The following RAI1 variants were observed in gnomAD, a reference collection of about 807,000 sequenced individuals.
The protein encoded by RAI1 is retinoic acid induced 1, also known as retinoic acid-induced protein 1.
RAI1 carries 9 observed loss-of-function variants against 123.8 expected under a neutral mutation model. The ratio of observed to expected loss-of-function variants is 0.07; its 90% CI spans 0.04 to 0.13. RAI1 has a LOEUF of 0.13. Ranked by LOEUF, RAI1 falls within the 10% of genes least tolerant of loss-of-function variation. The probability of loss-of-function intolerance (pLI) is 1.00; values close to 1 mark genes in which losing one functional copy is unlikely to be tolerated. For synonymous variants in RAI1, 1,231 were observed against 1,127.3 expected (o/e 1.09, Z -1.84); for missense variants, 2,256 against 2,545.8 (o/e 0.89, Z 2.45).
At chr17:17,759,734 G>A (rs77895445) in intron 2 of RAI1, among the ~76,000 whole-genome samples, 3,882 of 152,290 alleles carry the variant, frequency 0.025, 175 homozygotes, top group African/African-American at 0.087. Flanking sequence ...GGCAGAGGCC[G>A]TGCCTGGCCT....
Position 17,794,784 on chromosome 17 carries a change from G to A in RAI1, c.1836G>A (p.Leu612=). 6.2e-7 allele frequency: 1 copy of A among 1,613,108 alleles called. No individual in the cohort carries two copies. Among genetic ancestry groups the A allele is most frequent in the Non-Finnish European group, 8.5e-7 (1 of 1,180,010 alleles). ...AGGAGGACCTGGCCTCCGAGATCCT[G>A]GGGCTGCAGGAAGCCATCGGTGAGA... ...LAQEDLASEI[L]GLQEAIGEKA... The change falls in exon 3 of 6, where the codon CTG becomes CTA. Residue 612 remains leucine, a synonymous_variant. Coordinates refer to ENST00000353383, the MANE Select transcript of RAI1 (RefSeq NM_030665.4).
In RAI1 at chr17:17,811,237, A is replaced by G. The variant is rs1308607645; in HGVS notation, c.*1256A>G. 2.9e-6 allele frequency: 1 copy of G among 339,910 alleles called. No individual in the cohort carries two copies. The highest frequency in any genetic ancestry group is 5.7e-6 in the Non-Finnish European group (1 of 174,892). The allele number at this position is 339,910 out of a possible 1,614,324, so 21.1% of individuals were successfully genotyped here. ...TATATCTGGCCTCGTTATATAGTGT[A>G]TATATATGTATACATATACATATAT... On this transcript the variant is annotated 3_prime_UTR_variant, in exon 6 of 6. Coordinates refer to ENST00000353383, the MANE Select transcript of RAI1 (RefSeq NM_030665.4).
At chr17:17,731,038 G>A (rs988802764) in intron 2 of RAI1, among the ~76,000 whole-genome samples, 1 of 152,198 alleles carries the variant, frequency 6.6e-6, no homozygotes, top group Non-Finnish European at 1.5e-5. Context: ...GCTGGGAACT[G>A]CCAGAGCATC....
intron 1 of RAI1, among the ~76,000 whole-genome samples, chr17:17,687,936 A>G (rs903948139): frequency 2.6e-5 from 4 of 151,332 alleles, no homozygotes; most frequent in African/African-American, 9.7e-5. Context: ...AGGCTGAGGC[A>G]CGAGAATCAC....
At chr17:17,694,790 T>C (rs925395749) in intron 1 of RAI1, among the ~76,000 whole-genome samples, 4 of 149,876 alleles carry the variant, frequency 2.7e-5, no homozygotes, top group African/African-American at 7.3e-5. Context: ...CGCGTCGCCA[T>C]GGCAGCGCCC....
In RAI1 at chr17:17,796,803, T is replaced by C; in HGVS notation, c.3855T>C (p.Asn1285=). ...AGAAAGCCAAGCCCACCAAGGGCAA[T>C]GGCGAGCCTGCCACAAAGCTCCCAC... ...SPKKAKPTKG[N]GEPATKLPPP... The change falls in exon 3 of 6, where the codon AAT becomes AAC. Residue 1285 remains asparagine (N), a synonymous_variant. Coordinates refer to ENST00000353383, the MANE Select transcript of RAI1 (RefSeq NM_030665.4). This position sits in a 1 kb window ranked among gnomAD's most constrained non-coding sequence, Gnocchi z 5.8. 2 of 1,611,360 alleles carry C rather than the reference T, an allele frequency of 1.2e-6. No individual in the cohort carries two copies. The highest frequency in any genetic ancestry group is 1.7e-6 in the Non-Finnish European group (2 of 1,178,658).
At chr17:17,778,659 A>G (rs1053446295) in intron 2 of RAI1, 2 of 449,816 alleles carry the variant, frequency 4.4e-6, no homozygotes, top group African/African-American at 4.0e-5. Context: ...GAGCCCTCAC[A>G]GTTCATTGGT....
At chr17:17,779,471 T>TA (rs1400940102) in intron 2 of RAI1, 3 of 157,470 alleles carry the variant, frequency 1.9e-5, no homozygotes, top group African/African-American at 7.2e-5. Context: ...TGGGACCTGT[T>TA]AGTCTGTTGT....
intron 2 of RAI1, among the ~76,000 whole-genome samples, chr17:17,770,212 G>C (rs1240651079): frequency 6.6e-6 from 1 of 152,042 alleles, no homozygotes. Context: ...GCGGGGTAGG[G>C]AGACAGCCTG....
At chr17:17,792,565 G>A (rs1156959926) in intron 2 of RAI1, among the ~76,000 whole-genome samples, 2 of 129,160 alleles carry the variant, frequency 1.5e-5, no homozygotes, top group African/African-American at 6.0e-5. Context: ...TTGGGGAGGA[G>A]CTGGCAATGG....
chr17:17,740,700 G>A (rs1916594779), intron 2 of RAI1, among the ~76,000 whole-genome samples: 1 of 152,170 alleles, frequency 6.6e-6, no homozygotes, highest in Non-Finnish European at 1.5e-5. Flanking sequence ...TTTCAGGGAG[G>A]GAGGTCCAGG....
intron 1 of RAI1, among the ~76,000 whole-genome samples, chr17:17,723,084 C>T (rs1915939840): frequency 6.6e-6 from 1 of 152,172 alleles, no homozygotes; most frequent in South Asian, 2.1e-4. Context: ...ACATGCGCAG[C>T]CCCACGGCCC....
chr17:17,682,075 G>A (rs1232614720), intron 1 of RAI1, among the ~76,000 whole-genome samples: 1 of 151,172 alleles, frequency 6.6e-6, no homozygotes, highest in Middle Eastern at 3.2e-3. Flanking sequence ...AGGTCGGGTG[G>A]GGGCATGGGG....
intron 1 of RAI1, among the ~76,000 whole-genome samples, chr17:17,715,673 A>G (rs953686840): frequency 6.6e-6 from 1 of 152,144 alleles, no homozygotes; most frequent in Non-Finnish European, 1.5e-5. Flanking sequence ...CTGACCTTCC[A>G]GCAGTTTCTT....
chr17:17,805,661 T>C (rs1376126772), intron 4 of RAI1, among the ~76,000 whole-genome samples: 2 of 152,162 alleles, frequency 1.3e-5, no homozygotes, highest in East Asian at 1.9e-4. Flanking sequence ...GGACTCTGAG[T>C]GCTGACAGTT....
chr17:17,723,300 A>G (rs1303059922), intron 1 of RAI1, among the ~76,000 whole-genome samples: 2 of 150,632 alleles, frequency 1.3e-5, no homozygotes, highest in Non-Finnish European at 3.0e-5. Flanking sequence ...CATTCAGTCA[A>G]ACTGAGACCC....
rs368420775 is a variant in RAI1 at position 17,809,216 on chromosome 17, G to A, written c.5660-174G>A. The A allele has an allele frequency of 1.5e-5, 11 of 718,068 alleles. No individual in the cohort carries two copies. In the African/African-American group the frequency reaches 1.7e-4, roughly 11 times the overall value. The allele number at this position is 718,068 out of a possible 1,614,324, so 44.5% of individuals were successfully genotyped here. On this transcript the variant is annotated intron_variant, in intron 4 of 5. Coordinates refer to ENST00000353383, the MANE Select transcript of RAI1 (RefSeq NM_030665.4). This position sits in a 1 kb window ranked among gnomAD's most constrained non-coding sequence, Gnocchi z 4.9. Reference sequence around the variant, plus strand: ...AGGCCAGGGGCCGCACCCGCGCCGTGGAGTGGAGTGGAGTGTGGAGGGTTT... The same window carrying A: ...AGGCCAGGGGCCGCACCCGCGCCGTAGAGTGGAGTGGAGTGTGGAGGGTTT...
chr17:17,775,766 C>T (rs1269427281), intron 2 of RAI1, among the ~76,000 whole-genome samples: 1 of 151,916 alleles, frequency 6.6e-6, no homozygotes, highest in African/African-American at 2.4e-5. Flanking sequence ...GAGGGGGAGG[C>T]AGGAGAGGCA....
intron 1 of RAI1, among the ~76,000 whole-genome samples, chr17:17,706,352 G>A (rs1915394197): frequency 6.6e-6 from 1 of 152,220 alleles, no homozygotes; most frequent in South Asian, 2.1e-4. Context: ...TGGTCCCTGG[G>A]TCATGGGGTG....
Sources: allele counts gnomAD v4.1 joint callset (sites outside exome capture counted in the v4.1 genomes callset), GRCh38; gene constraint gnomAD v4.1.1; non-coding constraint Gnocchi (gnomAD v3.1); transcripts MANE v1.5; gene names NCBI Gene and HGNC (gene_info 2026-07-23, HGNC 2026-07-21).